The following HMGCLL1 variants were observed in gnomAD, a reference collection of about 807,000 sequenced individuals.
HMGCLL1 encodes the protein 3-hydroxymethyl-3-methylglutaryl-CoA lyase, cytoplasmic.
A neutral mutation model predicts 39.1 loss-of-function variants in HMGCLL1; 36 were observed. The ratio of observed to expected loss-of-function variants is 0.92; its 90% CI spans 0.71 to 1.22. The LOEUF (loss-of-function observed/expected upper bound fraction) is 1.22. Among genes scored for constraint, HMGCLL1 ranks in the 50% most tolerant of loss-of-function variants. The pLI, the probability that HMGCLL1 is intolerant of heterozygous loss-of-function variation, is 0.00. For missense variants in HMGCLL1, 451 were observed against 416.5 expected (o/e 1.08, Z -0.72); for synonymous variants, 149 against 144.0 (o/e 1.03, Z -0.25).
the HMGCLL1 span, among the ~76,000 whole-genome samples, chr6:55,672,166 T>C: frequency 6.6e-6 from 1 of 151,792 alleles, no homozygotes; most frequent in Non-Finnish European, 1.5e-5. Context: ...CTTAATTTTT[T>C]AATCTGTATA....
the HMGCLL1 span, among the ~76,000 whole-genome samples, chr6:55,612,075 T>A: frequency 5.8e-4 from 89 of 152,254 alleles, no homozygotes; most frequent in African/African-American, 2.0e-3. Flanking sequence ...AAAAGCTCCT[T>A]AAGATGATAA....
At chr6:55,489,401 T>C (rs1384994152) in intron 7 of HMGCLL1, among the ~76,000 whole-genome samples, 2 of 151,836 alleles carry the variant, frequency 1.3e-5, no homozygotes, top group African/African-American at 4.8e-5. Context: ...TTCCATCTCT[T>C]ATGCCAAGGG....
intron 1 of HMGCLL1, among the ~76,000 whole-genome samples, chr6:55,543,700 C>CA (rs1481529265): frequency 6.7e-6 from 1 of 149,178 alleles, no homozygotes; most frequent in Non-Finnish European, 1.5e-5. Flanking sequence ...TTAAAAAAAA[C>CA]AAAAAATCAA....
the HMGCLL1 span, among the ~76,000 whole-genome samples, chr6:55,660,419 C>CTG: frequency 6.6e-6 from 1 of 151,826 alleles, no homozygotes; most frequent in East Asian, 1.9e-4. Context: ...CTCTTTGTTT[C>CTG]TGTGTGTTCT....
chr6:55,672,223 G>T, the HMGCLL1 span, among the ~76,000 whole-genome samples: 2 of 151,686 alleles, frequency 1.3e-5, no homozygotes, highest in Non-Finnish European at 3.0e-5. Context: ...ACAGCCAAAA[G>T]AAATAAACTA....
chr6:55,544,645 A>T lies in HMGCLL1; in HGVS notation c.109-2505T>A, dbSNP rs143195199. Among the ~76,000 whole-genome samples, 521 of 152,264 alleles carry T rather than the reference A, an allele frequency of 3.4e-3. 6 individuals carry two copies. Among genetic ancestry groups the T allele is most frequent in the African/African-American group, 0.012 (485 of 41,558 alleles). ...AACCAAATTCAAGTCTGTGGAACAA[A>T]AAATATTCAAAGGCCATTTTTAGGG... is the stretch of plus-strand genomic sequence containing the variant. On this transcript the variant is annotated intron_variant, in intron 1 of 8. Coordinates refer to ENST00000274901, the MANE Select transcript of HMGCLL1 (RefSeq NM_001042406.2).
the HMGCLL1 span, among the ~76,000 whole-genome samples, chr6:55,657,816 C>A: frequency 0.047 from 7,167 of 151,846 alleles, 223 homozygotes; most frequent in Non-Finnish European, 0.076. Flanking sequence ...AACAGAAAAC[C>A]AGATACTACA....
chr6:55,630,717 C>T, the HMGCLL1 span, among the ~76,000 whole-genome samples: 3 of 151,980 alleles, frequency 2.0e-5, no homozygotes, highest in South Asian at 6.2e-4. Context: ...GAGTAAGTCT[C>T]AAGAGATCTG....
At chr6:55,625,855 G>C in the HMGCLL1 span, among the ~76,000 whole-genome samples, 1 of 152,112 alleles carries the variant, frequency 6.6e-6, no homozygotes, top group Non-Finnish European at 1.5e-5. Context: ...GCTCACCAGC[G>C]GGTGACATTA....
At chr6:55,546,098 G>C (rs2127461578) in intron 1 of HMGCLL1, among the ~76,000 whole-genome samples, 1 of 152,218 alleles carries the variant, frequency 6.6e-6, no homozygotes, top group African/African-American at 2.4e-5. Flanking sequence ...TATTCTCAAA[G>C]AAAGGCAATC....
chr6:55,653,145 AG>A, the HMGCLL1 span, among the ~76,000 whole-genome samples: 1 of 152,066 alleles, frequency 6.6e-6, no homozygotes, highest in Non-Finnish European at 1.5e-5. Flanking sequence ...GCCATATTAA[AG>A]AAACAAAAAA....
chr6:55,513,060 C>G (rs751015100), intron 5 of HMGCLL1: 7 of 152,270 alleles, frequency 4.6e-5, no homozygotes, highest in Admixed American at 1.3e-4. Context: ...AGATTTTTCC[C>G]TCTCCTCCCT....
chr6:55,448,809 C>T lies in HMGCLL1; in HGVS notation c.796-9250G>A, dbSNP rs145317917. Among the ~76,000 whole-genome samples the T allele has an allele frequency of 1.1e-3, 160 of 152,218 alleles. 1 individual carries two copies. The highest frequency in any genetic ancestry group is 8.5e-4 in the Non-Finnish European group (58 of 68,014). ...TTCACTTAATAGGTCTGAGGTGGTA[C>T]CTGGGATGCTGCATTATTTACAATC... On this transcript the variant is annotated intron_variant, in intron 7 of 8. Transcript: ENST00000274901.
At chr6:55,528,590 C>T (rs1314127561) in intron 3 of HMGCLL1, among the ~76,000 whole-genome samples, 2 of 151,694 alleles carry the variant, frequency 1.3e-5, no homozygotes, top group African/African-American at 4.8e-5. Flanking sequence ...TTTAATAAAT[C>T]ACAGTCTTAC....
intron 1 of HMGCLL1, among the ~76,000 whole-genome samples, chr6:55,561,637 A>C (rs1398654531): frequency 1.3e-5 from 2 of 152,148 alleles, no homozygotes; most frequent in African/African-American, 4.8e-5. Flanking sequence ...CCAACTTAAA[A>C]AAAGTATATG....
chr6:55,439,403 A>G (rs1272218508), intron 8 of HMGCLL1, 31 bp downstream of exon 8: 1 of 1,586,992 alleles, frequency 6.3e-7, no homozygotes, highest in Non-Finnish European at 8.6e-7. Flanking sequence ...CAAGGAATGC[A>G]TGAATATTAA....
chr6:55,490,657 G>C (rs1766262398), intron 7 of HMGCLL1, among the ~76,000 whole-genome samples: 1 of 151,996 alleles, frequency 6.6e-6, no homozygotes, highest in African/African-American at 2.4e-5. Flanking sequence ...ACTTTTATAT[G>C]TGTTATTTTT....
At chr6:55,436,060 A>G (rs1763360349) in intron 8 of HMGCLL1, among the ~76,000 whole-genome samples, 2 of 152,096 alleles carry the variant, frequency 1.3e-5, no homozygotes, top group East Asian at 3.9e-4. Flanking sequence ...AGGAAGGACA[A>G]TAATGGAACT....
chr6:55,598,731 A>G, the HMGCLL1 span, among the ~76,000 whole-genome samples: 5 of 152,326 alleles, frequency 3.3e-5, no homozygotes, highest in African/African-American at 1.2e-4. Context: ...TTAATGGTTC[A>G]ATCGCTGATT....
Sources: allele counts gnomAD v4.1 joint callset (sites outside exome capture counted in the v4.1 genomes callset), GRCh38; gene constraint gnomAD v4.1.1; transcripts MANE v1.5; gene names NCBI Gene and HGNC (gene_info 2026-07-23, HGNC 2026-07-21).